TSPAN5: variants seen among roughly 807,000 people sequenced by gnomAD.
TSPAN5 encodes tetraspanin-5.
Under a neutral mutation model 37.1 loss-of-function variants are expected in TSPAN5, and 10 were observed. The observed-to-expected ratio is 0.27, with a 90% CI of 0.17 to 0.46. The LOEUF (loss-of-function observed/expected upper bound fraction) is 0.46, where lower values mean the gene tolerates loss of function less well. TSPAN5 is among the 20% of genes least tolerant of loss of function. The pLI, the probability that TSPAN5 is intolerant of heterozygous loss-of-function variation, is 1.00. For synonymous variants in TSPAN5, 110 were observed against 118.9 expected, an observed-to-expected ratio of 0.93 and a Z score of 0.48; for missense variants, 195 against 326.6, an observed-to-expected ratio of 0.60 and a Z score of 3.11.
At chr4:98,568,977 C>T (rs946284436) in intron 1 of TSPAN5, among the ~76,000 whole-genome samples, 1 of 152,182 alleles carries the variant, frequency 6.6e-6, no homozygotes, top group Non-Finnish European at 1.5e-5. Context: ...GGTCAGGACC[C>T]ACTGGCAAAG....
At chr4:98,611,235 T>C (rs1756179687) in intron 1 of TSPAN5, among the ~76,000 whole-genome samples, 2 of 152,202 alleles carry the variant, frequency 1.3e-5, no homozygotes, top group African/African-American at 4.8e-5. Flanking sequence ...TGAGAACCTG[T>C]TTTCCAACCC....
At chr4:98,535,464 AT>A (rs1413527979) in intron 1 of TSPAN5, among the ~76,000 whole-genome samples, 16 of 151,804 alleles carry the variant, frequency 1.1e-4, no homozygotes, top group Non-Finnish European at 2.1e-4. Context: ...TGCCCTTAAC[AT>A]TTTTTCCTTC....
At chr4:98,649,830 G>A (rs932825558) in intron 1 of TSPAN5, among the ~76,000 whole-genome samples, 4 of 152,164 alleles carry the variant, frequency 2.6e-5, no homozygotes, top group African/African-American at 9.7e-5. Context: ...TGTGAACAAC[G>A]TGTTTCATTC....
intron 1 of TSPAN5, among the ~76,000 whole-genome samples, chr4:98,624,706 G>C (rs180914617): frequency 6.6e-6 from 1 of 152,304 alleles, no homozygotes; most frequent in East Asian, 1.9e-4. Flanking sequence ...AGAACTATAA[G>C]AGCAGTAACT....
At chr4:98,548,011 C>CA (rs535093440) in intron 1 of TSPAN5, among the ~76,000 whole-genome samples, 2,505 of 89,230 alleles carry the variant, frequency 0.028, 123 homozygotes, top group East Asian at 0.2. Context: ...GACTCTGTCT[C>CA]AAAAAAAAAA....
rs143898543 is a variant in TSPAN5, at chr4:98,607,277, G to A, written c.81+50869C>T. ...GAGTTCATCAAAGAACCACACATCCGGAGATGGGTATCCCACACAATTAGT... is the reference window on the plus strand; with the variant it reads ...GAGTTCATCAAAGAACCACACATCCAGAGATGGGTATCCCACACAATTAGT... On this transcript the variant is annotated intron_variant, in intron 1 of 7. Coordinates refer to ENST00000305798, the MANE Select transcript of TSPAN5 (RefSeq NM_005723.4). Among the ~76,000 whole-genome samples, 11 of 152,254 alleles carry A rather than the reference G, an allele frequency of 7.2e-5. No individual in the cohort carries two copies. The East Asian group carries it at 1.9e-3, about 27-fold the overall frequency.
chr4:98,566,833 G>A lies in TSPAN5; in HGVS notation c.82-59105C>T, dbSNP rs563977322. Among the ~76,000 whole-genome samples the A allele has an allele frequency of 2.4e-4, 36 of 152,330 alleles. 1 individual carries two copies. The highest frequency in any genetic ancestry group is 2.2e-3 in the Admixed American group (34 of 15,310). On this transcript the variant is annotated intron_variant, in intron 1 of 7. Coordinates refer to ENST00000305798, the MANE Select transcript of TSPAN5 (RefSeq NM_005723.4). Reference sequence around the variant, plus strand: ...GTGCACAGCCCTTGGCAGGGGCACCGCACGCAGGACAGGAGATTCAAACCC... The same window carrying A: ...GTGCACAGCCCTTGGCAGGGGCACCACACGCAGGACAGGAGATTCAAACCC...
chr4:98,508,348 TAC>T (rs1218527506), intron 1 of TSPAN5, among the ~76,000 whole-genome samples: 3 of 152,104 alleles, frequency 2.0e-5, no homozygotes, highest in Admixed American at 2.0e-4. Context: ...ACTTCATGCA[TAC>T]ACAGAGTATA....
At chr4:98,623,770 G>GA (rs1756532242) in intron 1 of TSPAN5, among the ~76,000 whole-genome samples, 1 of 152,084 alleles carries the variant, frequency 6.6e-6, no homozygotes, top group Non-Finnish European at 1.5e-5. Context: ...ACAAAATTGG[G>GA]AAATTTAAAA....
intron 1 of TSPAN5, among the ~76,000 whole-genome samples, chr4:98,525,060 A>C (rs1753932408): frequency 6.6e-6 from 1 of 152,166 alleles, no homozygotes; most frequent in South Asian, 2.1e-4. Flanking sequence ...CAAGCTTCTT[A>C]AATTAGATTT....
At chr4:98,487,558 A>G (rs1752999859) in intron 2 of TSPAN5, among the ~76,000 whole-genome samples, 1 of 151,702 alleles carries the variant, frequency 6.6e-6, no homozygotes, top group African/African-American at 2.4e-5. Context: ...ACAAACACCT[A>G]CAAGTTTTTT....
At chr4:98,591,510 AAC>A (rs1292057503) in intron 1 of TSPAN5, among the ~76,000 whole-genome samples, 1 of 81,794 alleles carries the variant, frequency 1.2e-5, no homozygotes, top group Non-Finnish European at 2.3e-5. Context: ...GAGGCTACTA[AAC>A]ACTTGATATG....
chr4:98,581,026 G>A (rs1755358194), intron 1 of TSPAN5, among the ~76,000 whole-genome samples: 1 of 152,072 alleles, frequency 6.6e-6, no homozygotes, highest in Non-Finnish European at 1.5e-5. Flanking sequence ...CTGACCATTA[G>A]AAACCCCAGA....
intron 1 of TSPAN5, among the ~76,000 whole-genome samples, chr4:98,571,654 C>T (rs1399701527): frequency 1.3e-5 from 2 of 152,070 alleles, no homozygotes; most frequent in Non-Finnish European, 2.9e-5. Flanking sequence ...GCTACCCATA[C>T]GGTGGAAGGT....
chr4:98,504,126 T>C (rs567227329), intron 2 of TSPAN5, among the ~76,000 whole-genome samples: 2 of 152,220 alleles, frequency 1.3e-5, no homozygotes, highest in Admixed American at 1.3e-4. Flanking sequence ...GTACTTCACA[T>C]GAATATGCTG....
At chr4:98,605,710 T>G (rs17027843) in intron 1 of TSPAN5, among the ~76,000 whole-genome samples, 5,284 of 152,328 alleles carry the variant, frequency 0.035, 101 homozygotes, top group South Asian at 0.059. Context: ...GAGGAACTAA[T>G]TTTTAATGGC....
intron 1 of TSPAN5, among the ~76,000 whole-genome samples, chr4:98,573,879 A>G (rs1755178420): frequency 6.6e-6 from 1 of 152,216 alleles, no homozygotes; most frequent in South Asian, 2.1e-4. Flanking sequence ...GGAATGTTAG[A>G]ATCTCATGGT....
At chr4:98,518,593 G>A (rs774332726) in intron 1 of TSPAN5, among the ~76,000 whole-genome samples, 7 of 152,196 alleles carry the variant, frequency 4.6e-5, no homozygotes, top group African/African-American at 9.7e-5. Context: ...TCCTGTAGAG[G>A]CAACAGCTTA....
intron 1 of TSPAN5, among the ~76,000 whole-genome samples, chr4:98,643,745 C>A (rs1324449364): frequency 1.3e-5 from 2 of 152,224 alleles, no homozygotes; most frequent in African/African-American, 2.4e-5. Context: ...ATAGTTGTAT[C>A]ATCTAGACAG....
Sources: allele counts gnomAD v4.1 joint callset (sites outside exome capture counted in the v4.1 genomes callset), GRCh38; gene constraint gnomAD v4.1.1; transcripts MANE v1.5; gene names NCBI Gene and HGNC (gene_info 2026-07-23, HGNC 2026-07-21).